PALS2: variants seen among roughly 807,000 people sequenced by gnomAD.
PALS2 encodes protein PALS2.
Under a neutral mutation model 61.6 loss-of-function variants are expected in PALS2, and 27 were observed. The observed-to-expected ratio is 0.44, with a 90% confidence interval of 0.32 to 0.60. The LOEUF (loss-of-function observed/expected upper bound fraction) is 0.60, where lower values mean the gene tolerates loss of function less well. PALS2 is among the 20% of genes least tolerant of loss of function. PALS2 has a pLI of 0.05. For missense variants in PALS2, 554 were observed against 639.4 expected, an observed-to-expected ratio of 0.87 and a Z score of 1.44; for synonymous variants, 236 against 218.6, an observed-to-expected ratio of 1.08 and a Z score of -0.70.
chr7:24,606,441 T>C (rs1202970968), intron 1 of PALS2, among the ~76,000 whole-genome samples: 1 of 152,204 alleles, frequency 6.6e-6, no homozygotes, highest in East Asian at 1.9e-4. Flanking sequence ...ACTATCTTTA[T>C]ATTTTGAGCT....
rs1442917600 is a variant in PALS2, at chr7:24,663,692, G to A, written c.754G>A (p.Val252Ile). The A allele has an allele frequency of 1.2e-6, 2 of 1,610,410 alleles. No homozygotes were observed. Among genetic ancestry groups the A allele is most frequent in the African/African-American group, 1.3e-5 (1 of 74,724 alleles). Residue 252 changes from valine (V) to isoleucine (I), a missense_variant, in exon 6 of 12, where the codon GTA (valine) becomes ATA (isoleucine). Coordinates refer to ENST00000222644, the MANE Select transcript of PALS2 (RefSeq NM_001303037.2). ...TTCCAAAGGAGAGATTCTTCAGATT[G>A]TAAATAGAGAAGATCCAAATTGGTG... ...KFSKGEILQI[V>I]NREDPNWWQA... is the part of the protein sequence containing the mutation.
intron 1 of PALS2, among the ~76,000 whole-genome samples, chr7:24,592,807 A>G (rs1170167541): frequency 2.6e-5 from 4 of 152,162 alleles, no homozygotes; most frequent in East Asian, 1.9e-4. Flanking sequence ...TAAAAATGCT[A>G]GTAATCATCA....
chr7:24,582,044 G>A (rs939862864), intron 1 of PALS2, among the ~76,000 whole-genome samples: 2 of 152,166 alleles, frequency 1.3e-5, no homozygotes, highest in South Asian at 4.1e-4. Context: ...ACCAGCTTTG[G>A]AGTGAGAACT....
At chr7:24,666,171 T>C in intron 8 of PALS2, 82 bp downstream of exon 8, 1 of 1,230,946 alleles carries the variant, frequency 8.1e-7, no homozygotes, top group Admixed American at 1.9e-5. Context: ...AATATACAGC[T>C]TTAAGTGAGT....
chr7:24,643,585 C>G (rs924439010), intron 3 of PALS2, among the ~76,000 whole-genome samples: 1 of 152,058 alleles, frequency 6.6e-6, no homozygotes, highest in Admixed American at 6.5e-5. Flanking sequence ...CCATTTGATA[C>G]CACAATATTA....
intron 1 of PALS2, among the ~76,000 whole-genome samples, chr7:24,608,268 A>T (rs1187634385): frequency 1.3e-5 from 2 of 151,862 alleles, no homozygotes; most frequent in East Asian, 3.9e-4. Context: ...CCATTTTTTT[A>T]TGTTTTAAAC....
intron 1 of PALS2, among the ~76,000 whole-genome samples, chr7:24,621,878 T>C (rs1784535645): frequency 6.6e-6 from 1 of 151,736 alleles, no homozygotes; most frequent in African/African-American, 2.4e-5. Context: ...AGGGGAGGGG[T>C]CTAGCGTCAC....
chr7:24,633,290 CT>C (rs34178198), intron 2 of PALS2, among the ~76,000 whole-genome samples: 18,208 of 134,982 alleles, frequency 0.13, 1,621 homozygotes, highest in African/African-American at 0.26. Flanking sequence ...TGAAAAAGTC[CT>C]TTTTTTTTTT....
chr7:24,637,472 A>G (rs527723366), intron 2 of PALS2, among the ~76,000 whole-genome samples: 2 of 152,038 alleles, frequency 1.3e-5, no homozygotes, highest in Non-Finnish European at 2.9e-5. Context: ...TTAGGTCTCT[A>G]GAATAAAAGA....
rs1228701764 is a variant in PALS2, at chr7:24,573,784, G to T, written c.-3+191G>T. ...GCGGCGGCGGCGGCGCCGCGGTCGG[G>T]GAGGCTGCTGGCCGCCCCCAGCCCG... is the stretch of plus-strand genomic sequence containing the variant. On this transcript the variant is annotated intron_variant, in intron 1 of 11. Transcript: ENST00000222644. This position sits in a 1 kb window ranked among gnomAD's most constrained non-coding sequence, Gnocchi z 5.3. Among the ~76,000 whole-genome samples, 2 of 147,602 alleles carry T rather than the reference G, an allele frequency of 1.4e-5. No homozygotes were observed. Among genetic ancestry groups the T allele is most frequent in the Admixed American group, 6.7e-5 (1 of 14,852 alleles).
At chr7:24,617,924 C>CA (rs1784349737) in intron 1 of PALS2, among the ~76,000 whole-genome samples, 1 of 152,158 alleles carries the variant, frequency 6.6e-6, no homozygotes, top group Non-Finnish European at 1.5e-5. Context: ...TGCAGCCACT[C>CA]GGCCAGTCTA....
intron 1 of PALS2, among the ~76,000 whole-genome samples, chr7:24,576,811 A>G (rs1056824608): frequency 4.6e-5 from 7 of 152,204 alleles, no homozygotes; most frequent in Admixed American, 2.6e-4. Context: ...GGAGGAGAAG[A>G]TATTGAAGCA....
chr7:24,661,539 T>C (rs1046453922), intron 5 of PALS2, among the ~76,000 whole-genome samples: 2 of 152,182 alleles, frequency 1.3e-5, no homozygotes, highest in African/African-American at 4.8e-5. Flanking sequence ...CATGGTTAGA[T>C]GACAGGATTC....
At chr7:24,604,219 GA>G (rs58169190) in intron 1 of PALS2, among the ~76,000 whole-genome samples, 138 of 86,136 alleles carry the variant, frequency 1.6e-3, no homozygotes, top group South Asian at 5.7e-3. Flanking sequence ...TTCAAGAAAA[GA>G]AAAAAAAAAA....
intron 2 of PALS2, among the ~76,000 whole-genome samples, chr7:24,635,329 T>C (rs1434947152): frequency 5.9e-5 from 9 of 152,216 alleles, no homozygotes; most frequent in Non-Finnish European, 1.2e-4. Flanking sequence ...TGGATTTGTT[T>C]TTTAAATTTC....
intron 9 of PALS2, among the ~76,000 whole-genome samples, chr7:24,677,684 G>A (rs1787690541): frequency 2.0e-5 from 3 of 152,282 alleles, no homozygotes; most frequent in African/African-American, 4.8e-5. Context: ...TTATTGAGAA[G>A]TTTTATTATA....
chr7:24,672,894 GTTGTC>G (rs933330485), intron 9 of PALS2, among the ~76,000 whole-genome samples: 2 of 152,014 alleles, frequency 1.3e-5, no homozygotes, highest in East Asian at 1.9e-4. Flanking sequence ...TGTTTATGTC[GTTGTC>G]TTGTCTACTT....
intron 3 of PALS2, among the ~76,000 whole-genome samples, chr7:24,647,947 C>T (rs1290017357): frequency 1.3e-5 from 2 of 152,126 alleles, no homozygotes; most frequent in African/African-American, 2.4e-5. Context: ...GTTGTCAATG[C>T]ATAAGTAGTG....
intron 2 of PALS2, among the ~76,000 whole-genome samples, chr7:24,624,605 C>CTTATTTTTTTT (rs1554302487): frequency 2.3e-5 from 2 of 86,358 alleles, no homozygotes; most frequent in Non-Finnish European, 4.0e-5. Context: ...GCAGATTCTT[C>CTTATTTTTTTT]TTTTTTTTTT....
Sources: gnomAD v4.1 joint callset for allele counts (sites outside exome capture counted in the v4.1 genomes callset) on GRCh38, gnomAD v4.1.1 for gene constraint, Gnocchi (gnomAD v3.1) non-coding constraint, MANE v1.5 for transcripts, NCBI Gene and HGNC (gene_info 2026-07-23, HGNC 2026-07-21) for gene names.